The following MCC variants were observed in gnomAD, a reference collection of about 807,000 sequenced individuals.
MCC encodes the protein MCC regulator of Wnt signaling pathway.
Under a neutral mutation model 116.2 loss-of-function variants are expected in MCC, and 90 were observed. The observed-to-expected ratio is 0.77, with a 90% CI of 0.65 to 0.92. The LOEUF (loss-of-function observed/expected upper bound fraction) is 0.92, where lower values mean the gene tolerates loss of function less well. Among genes scored for constraint, MCC ranks in the 40% least tolerant of loss-of-function variants. The pLI is 0.00. For synonymous variants in MCC, 578 were observed against 510.5 expected (o/e 1.13, Z -1.78); for missense variants, 1,516 against 1,312.2 (o/e 1.16, Z -2.40).
At chr5:113,230,860 T>C (rs942791730) in intron 3 of MCC, among the ~76,000 whole-genome samples, 1 of 152,170 alleles carries the variant, frequency 6.6e-6, no homozygotes, top group South Asian at 2.1e-4. Context: ...TTGAGCTGTA[T>C]TACTACAGAG....
At chr5:113,370,407 A>G (rs1768807742) in intron 2 of MCC, among the ~76,000 whole-genome samples, 1 of 152,262 alleles carries the variant, frequency 6.6e-6, no homozygotes, top group African/African-American at 2.4e-5. Context: ...AAGAGAAATT[A>G]ACAGAAACGT....
intron 3 of MCC, among the ~76,000 whole-genome samples, chr5:113,253,013 GAATT>G (rs1193070527): frequency 1.3e-5 from 2 of 152,126 alleles, no homozygotes; most frequent in African/African-American, 4.8e-5. Flanking sequence ...TATTATGTGA[GAATT>G]AATTTCTCAA....
intron 3 of MCC, among the ~76,000 whole-genome samples, chr5:113,240,674 G>A (rs1005846087): frequency 3.3e-5 from 5 of 152,142 alleles, no homozygotes; most frequent in African/African-American, 1.2e-4. Flanking sequence ...AATGCCAACT[G>A]TAACAGGATT....
rs1265709129 is a variant in MCC, at chr5:113,434,591, A to T, written c.171-49379T>A. The stretch of plus-strand genomic sequence containing the variant: ...GCTCCATGACGATGTAGACCTTGCC[A>T]TGTGATGTCTCAAAGATCTCGTAGG... On this transcript the variant is annotated intron_variant, in intron 1 of 18. Transcript: ENST00000408903. The surrounding 1 kb of genome is among the most constrained non-coding windows in gnomAD (Gnocchi z 4.2). The T allele has an allele frequency of 6.2e-7, 1 of 1,613,832 alleles. No individual in the cohort carries two copies. The highest frequency in any genetic ancestry group is 1.1e-5 in the South Asian group (1 of 91,060).
intron 14 of MCC, among the ~76,000 whole-genome samples, chr5:113,063,757 C>T (rs1753384838): frequency 6.6e-6 from 1 of 152,220 alleles, no homozygotes; most frequent in African/African-American, 2.4e-5. Context: ...CAAATCTCTC[C>T]AATCTCGACT....
At chr5:113,474,326 G>A (rs1213167198) in intron 1 of MCC, among the ~76,000 whole-genome samples, 1 of 152,162 alleles carries the variant, frequency 6.6e-6, no homozygotes, top group Non-Finnish European at 1.5e-5. Context: ...GAGGGGAGGA[G>A]CTATATGGAA....
intron 3 of MCC, among the ~76,000 whole-genome samples, chr5:113,247,465 G>C (rs2150341943): frequency 6.6e-6 from 1 of 152,266 alleles, no homozygotes; most frequent in East Asian, 1.9e-4. Flanking sequence ...GGCAAGCTAA[G>C]GAATTGAGAC....
chr5:113,480,019 T>C (rs1027261213), intron 1 of MCC, among the ~76,000 whole-genome samples: 5 of 152,234 alleles, frequency 3.3e-5, no homozygotes, highest in African/African-American at 1.2e-4. Flanking sequence ...AGTCTTTCTG[T>C]TCCATTTACC....
intron 3 of MCC, among the ~76,000 whole-genome samples, chr5:113,300,342 G>A (rs1388338434): frequency 1.3e-5 from 2 of 152,094 alleles, no homozygotes; most frequent in Non-Finnish European, 2.9e-5. Flanking sequence ...CAGCCCACAA[G>A]AGTACCCAAA....
intron 1 of MCC, among the ~76,000 whole-genome samples, chr5:113,488,016 G>A (rs1334153114): frequency 2.6e-5 from 4 of 152,110 alleles, no homozygotes; most frequent in African/African-American, 9.7e-5. Context: ...CCTAGACAAA[G>A]ACAGCGCTGG....
chr5:113,149,674 A>C (rs1759732764), intron 4 of MCC, among the ~76,000 whole-genome samples: 2 of 152,092 alleles, frequency 1.3e-5, no homozygotes, highest in African/African-American at 2.4e-5. Flanking sequence ...CCATCTTTCC[A>C]GATATTAATT....
intron 3 of MCC, among the ~76,000 whole-genome samples, chr5:113,218,432 T>C (rs1332191183): frequency 2.0e-5 from 3 of 152,132 alleles, no homozygotes; most frequent in Non-Finnish European, 4.4e-5. Flanking sequence ...CTCCTCCTTG[T>C]TCCTGACATT....
At chr5:113,094,334 T>C (rs1755864981) in intron 8 of MCC, among the ~76,000 whole-genome samples, 1 of 152,104 alleles carries the variant, frequency 6.6e-6, no homozygotes, top group African/African-American at 2.4e-5. Flanking sequence ...ATGTGTGCTA[T>C]TTTCTCTTTT....
chr5:113,275,254 A>C (rs1294348326), intron 3 of MCC, among the ~76,000 whole-genome samples: 2 of 152,228 alleles, frequency 1.3e-5, no homozygotes, highest in Non-Finnish European at 2.9e-5. Flanking sequence ...ATTATATGAC[A>C]CAGTTTGCCA....
At chr5:113,038,757 A>G (rs1271787208) in intron 17 of MCC, among the ~76,000 whole-genome samples, 1 of 152,026 alleles carries the variant, frequency 6.6e-6, no homozygotes, top group African/African-American at 2.4e-5. Context: ...TCTGGCACAC[A>G]ACCCTGTCTT....
At chr5:113,251,325 A>G (rs1764792864) in intron 3 of MCC, among the ~76,000 whole-genome samples, 1 of 152,252 alleles carries the variant, frequency 6.6e-6, no homozygotes, top group Non-Finnish European at 1.5e-5. Flanking sequence ...TTCAACTGTT[A>G]GAATTCATGT....
intron 1 of MCC, among the ~76,000 whole-genome samples, chr5:113,432,299 G>T (rs1770677804): frequency 6.8e-6 from 1 of 147,112 alleles, no homozygotes; most frequent in Non-Finnish European, 1.5e-5. Context: ...CTCCAGCCTG[G>T]GCTAGAGCGA....
At chr5:113,037,651 G>A (rs1457575849) in intron 17 of MCC, among the ~76,000 whole-genome samples, 5 of 152,124 alleles carry the variant, frequency 3.3e-5, no homozygotes, top group South Asian at 2.1e-4. Context: ...CTGTGATTGT[G>A]CCACTATACT....
At chr5:113,252,974 T>C (rs1398193082) in intron 3 of MCC, among the ~76,000 whole-genome samples, 1 of 152,268 alleles carries the variant, frequency 6.6e-6, no homozygotes, top group Non-Finnish European at 1.5e-5. Context: ...TATTTTCCCC[T>C]GCATGCCCTT....
Sources: gnomAD v4.1 joint callset for allele counts (sites outside exome capture counted in the v4.1 genomes callset) on GRCh38, gnomAD v4.1.1 for gene constraint, Gnocchi (gnomAD v3.1) non-coding constraint, MANE v1.5 for transcripts, NCBI Gene and HGNC (gene_info 2026-07-23, HGNC 2026-07-21) for gene names.